RBM41: variants seen among roughly 807,000 people sequenced by gnomAD.
RBM41 encodes the protein RNA binding motif protein 41, also known as RNA-binding protein 41.
Under a neutral mutation model 30.8 loss-of-function variants are expected in RBM41, and 14 were observed. That is an observed-to-expected ratio of 0.45 (90% CI 0.30 to 0.71). The LOEUF is 0.71. RBM41 is among the 30% of genes least tolerant of loss of function. RBM41 has a pLI of 0.08. For synonymous variants in RBM41, 120 were observed against 110.1 expected (o/e 1.09, Z -0.56); for missense variants, 276 against 326.3 (o/e 0.85, Z 1.19).
At chrX:107,061,700 T>TC (rs1271806092), downstream of RBM41, among the ~76,000 whole-genome samples, 1 of 111,253 alleles carries the variant, frequency 9.0e-6, no homozygotes, top group Non-Finnish European at 1.9e-5. Context: ...TGCCTTGGCC[T>TC]CCGAAAGTGT....
intron 5 of RBM41, 23 bp from the exon 6 acceptor site, chrX:107,088,862 G>A (rs1295768197): frequency 8.5e-7 from 1 of 1,172,597 alleles, no homozygotes. Context: ...AAAGAGATAG[G>A]GAAGTTCTAC....
intron 2 of RBM41, 51 bp from the exon 3 acceptor site, chrX:107,116,105 C>A (rs1191383353): frequency 9.4e-7 from 1 of 1,059,089 alleles, no homozygotes; most frequent in Non-Finnish European, 1.2e-6. Context: ...TACTATCATT[C>A]ACAAAAATGG....
chrX:107,078,227 T>A (rs948996127), intron 6 of RBM41, among the ~76,000 whole-genome samples: 4 of 111,607 alleles, frequency 3.6e-5, no homozygotes, highest in Non-Finnish European at 7.5e-5. Flanking sequence ...TTTGTCAGGT[T>A]TCTTCTTGAA....
intron 6 of RBM41, among the ~76,000 whole-genome samples, chrX:107,082,688 AT>A (rs751381738): frequency 1.0e-4 from 11 of 109,704 alleles, no homozygotes; most frequent in Admixed American, 7.8e-4. Context: ...TCTTTATATA[AT>A]TTTTTTTTAG....
At chrX:107,091,739 T>G (rs1186936460) in intron 5 of RBM41, among the ~76,000 whole-genome samples, 1 of 112,188 alleles carries the variant, frequency 8.9e-6, no homozygotes, top group East Asian at 2.8e-4. Flanking sequence ...TAGTTATACC[T>G]CTCTCCTACA....
chrX:107,078,270 T>C (rs1331446187), intron 6 of RBM41, among the ~76,000 whole-genome samples: 2 of 111,676 alleles, frequency 1.8e-5, no homozygotes, highest in African/African-American at 6.5e-5. Context: ...TCTCTTCCTG[T>C]ACTCTTTTGG....
intron 5 of RBM41, among the ~76,000 whole-genome samples, chrX:107,093,881 T>C (rs1388832258): frequency 2.2e-4 from 25 of 111,551 alleles, no homozygotes; most frequent in African/African-American, 8.1e-4. Flanking sequence ...CAAAAATGAC[T>C]AAAATCAATA....
intron 5 of RBM41, among the ~76,000 whole-genome samples, chrX:107,093,283 T>A (rs780543452): frequency 1.8e-5 from 2 of 111,085 alleles, no homozygotes; most frequent in Non-Finnish European, 3.8e-5. Flanking sequence ...GCTATTTGAG[T>A]GAAGACCTGA....
At position 107,069,321 on chromosome X, in the gene RBM41, C is replaced by T; in HGVS notation, c.1081G>A (p.Gly361Arg). 1 of 1,210,434 alleles carries T rather than the reference C, an allele frequency of 8.3e-7. No homozygotes were observed. The highest frequency in any genetic ancestry group is 1.1e-6 in the Non-Finnish European group (1 of 894,851). Residue 361 changes from glycine to arginine, a missense_variant, in exon 7 of 8, where the codon GGA becomes AGA. By Grantham distance (125) the Gly-to-Arg change is moderately radical. Transcript: ENST00000685964. ...ATCATTCGGAATTGAATTGGAGGTC[C>T]TTTTTTCTCCTGGAACCGAGCGAAC... is the stretch of plus-strand genomic sequence containing the variant. ...SLFARFQEKK[G>R]PPIQFRMMTG...
intron 2 of RBM41, among the ~76,000 whole-genome samples, 165 bp downstream of exon 2, chrX:107,116,485 A>G (rs1924886950): frequency 8.9e-6 from 1 of 111,798 alleles, no homozygotes; most frequent in Non-Finnish European, 1.9e-5. Flanking sequence ...GAGATATGGG[A>G]GGCTTCCCAG....
chrX:107,069,145 T>C, intron 7 of RBM41, 110 bp downstream of exon 7: 1 of 726,491 alleles, frequency 1.4e-6, no homozygotes. Flanking sequence ...ATTGTCTTGT[T>C]CTCACATGCT....
At chrX:107,108,372 C>G (rs1300148981) in intron 5 of RBM41, among the ~76,000 whole-genome samples, 1 of 111,143 alleles carries the variant, frequency 9.0e-6, no homozygotes, top group African/African-American at 3.3e-5. Flanking sequence ...TCCGTGACTC[C>G]CATTGAATAA....
At chrX:107,104,326 G>T (rs1923748829) in intron 5 of RBM41, among the ~76,000 whole-genome samples, 1 of 110,858 alleles carries the variant, frequency 9.0e-6, no homozygotes, top group Non-Finnish European at 1.9e-5. Flanking sequence ...AATAAAGATG[G>T]ATTGATAGAT....
chrX:107,107,177 AAG>A (rs1215358784), intron 5 of RBM41, among the ~76,000 whole-genome samples: 1 of 111,414 alleles, frequency 9.0e-6, no homozygotes, highest in Non-Finnish European at 1.9e-5. Flanking sequence ...CCTAAAAAGA[AAG>A]AAGGAATACT....
chrX:107,072,201 T>C (rs1936089347), intron 6 of RBM41, among the ~76,000 whole-genome samples: 1 of 108,606 alleles, frequency 9.2e-6, no homozygotes, highest in Non-Finnish European at 1.9e-5. Context: ...AAATTGTCCC[T>C]GTTTGCAGAC....
rs1935851583 is a variant in RBM41, at chrX:107,066,678, T to C, written c.*849A>G. On this transcript the variant is annotated 3_prime_UTR_variant, in exon 8 of 8. Transcript: ENST00000685964. ...GTTTGTACTACTTCCTCTCTGTATATTGTTTTTTTATTTTCCAGCAACCAT... is the reference window on the plus strand; with the variant it reads ...GTTTGTACTACTTCCTCTCTGTATACTGTTTTTTTATTTTCCAGCAACCAT... 1.3e-6 allele frequency: 1 copy of C among 747,050 alleles called. No homozygotes were observed. Among genetic ancestry groups the C allele is most frequent in the Non-Finnish European group, 1.6e-6 (1 of 632,852 alleles). 61.6% of individuals were successfully genotyped at this position (747,050 alleles called of 1,213,427 possible).
At chrX:107,077,279 A>C (rs1357986624) in intron 6 of RBM41, among the ~76,000 whole-genome samples, 55 of 110,851 alleles carry the variant, frequency 5.0e-4, no homozygotes, top group Non-Finnish European at 1.3e-4. Context: ...TTGCAGGTGC[A>C]TGCCACCACG....
chrX:107,080,721 G>A (rs149011265), intron 6 of RBM41, among the ~76,000 whole-genome samples: 1,171 of 112,445 alleles, frequency 0.01, 16 homozygotes, highest in African/African-American at 0.036. Context: ...GGACTTTAGC[G>A]ATTCGAGTAG....
intron 3 of RBM41, 62 bp from the exon 4 acceptor site, chrX:107,115,618 G>T (rs1256957684): frequency 2.0e-6 from 2 of 1,019,331 alleles, no homozygotes; most frequent in Non-Finnish European, 2.7e-6. Flanking sequence ...ATGATGATCT[G>T]GTATCTCAAG....
Sources: allele counts gnomAD v4.1 joint callset (sites outside exome capture counted in the v4.1 genomes callset), GRCh38; gene constraint gnomAD v4.1.1; transcripts MANE v1.5; gene names NCBI Gene and HGNC (gene_info 2026-07-23, HGNC 2026-07-21).